The following DOK6 variants were observed in gnomAD, a reference collection of about 807,000 sequenced individuals.
DOK6 encodes docking protein 6.
In DOK6, 22 loss-of-function variants were observed where a neutral mutation model predicts 44.0. That is an observed-to-expected ratio of 0.50 (90% CI 0.36 to 0.71). DOK6 has a LOEUF of 0.71. Among genes scored for constraint, DOK6 ranks in the 30% least tolerant of loss-of-function variants. The pLI is 0.00. For missense variants in DOK6, 340 were observed against 416.4 expected (o/e 0.82, Z 1.60); for synonymous variants, 166 against 145.5 (o/e 1.14, Z -1.01).
chr18:69,587,827 G>T (rs796507177), intron 2 of DOK6, among the ~76,000 whole-genome samples: 1 of 151,176 alleles, frequency 6.6e-6, no homozygotes, highest in Non-Finnish European at 1.5e-5. Flanking sequence ...CTACTTCGGC[G>T]CCTATATTTC....
chr18:69,467,982 T>C (rs895436782), intron 1 of DOK6, among the ~76,000 whole-genome samples: 8 of 152,166 alleles, frequency 5.3e-5, no homozygotes, highest in Non-Finnish European at 1.2e-4. Context: ...CACTATGCCA[T>C]GCAATAGGCA....
intron 5 of DOK6, among the ~76,000 whole-genome samples, chr18:69,737,754 G>T (rs79634757): frequency 0.031 from 4,702 of 152,232 alleles, 133 homozygotes; most frequent in East Asian, 0.087. Flanking sequence ...CTTGCGCGGG[G>T]CAGAGTCAAA....
intron 3 of DOK6, among the ~76,000 whole-genome samples, chr18:69,676,013 G>T (rs1472791615): frequency 6.6e-6 from 1 of 152,100 alleles, no homozygotes; most frequent in African/African-American, 2.4e-5. Context: ...GGTTGGAAAG[G>T]ATTATTTTCT....
intron 1 of DOK6, among the ~76,000 whole-genome samples, chr18:69,505,626 T>G (rs931027838): frequency 6.6e-6 from 1 of 150,476 alleles, no homozygotes; most frequent in African/African-American, 2.4e-5. Flanking sequence ...GCCTCCTGAG[T>G]AGCTGGGACT....
chr18:69,722,742 A>T (rs941837940), intron 5 of DOK6, among the ~76,000 whole-genome samples: 1 of 152,174 alleles, frequency 6.6e-6, no homozygotes, highest in African/African-American at 2.4e-5. Flanking sequence ...CATATCTCTA[A>T]AGTTAAATTC....
intron 2 of DOK6, among the ~76,000 whole-genome samples, chr18:69,570,373 A>C (rs1011776356): frequency 6.6e-6 from 1 of 152,002 alleles, no homozygotes; most frequent in African/African-American, 2.4e-5. Context: ...ACTTAAAGAT[A>C]GAACAACAGC....
intron 1 of DOK6, among the ~76,000 whole-genome samples, chr18:69,509,663 A>AAAAAAAC (rs397977960): frequency 8.7e-6 from 1 of 115,592 alleles, no homozygotes; most frequent in African/African-American, 2.8e-5. Context: ...AAAAAAAAAA[A>AAAAAAAC]CACACAAGTC....
chr18:69,635,565 T>C (rs1984786356), intron 3 of DOK6, among the ~76,000 whole-genome samples: 1 of 152,220 alleles, frequency 6.6e-6, no homozygotes, highest in Non-Finnish European at 1.5e-5. Flanking sequence ...GGACAGATTT[T>C]AGGAGTTGGA....
intron 1 of DOK6, among the ~76,000 whole-genome samples, chr18:69,551,805 T>C (rs559886793): frequency 6.6e-6 from 1 of 152,314 alleles, no homozygotes; most frequent in South Asian, 2.1e-4. Flanking sequence ...AATATATGTG[T>C]ATTGTTTTTA....
At chr18:69,587,823 C>T (rs562227239) in intron 2 of DOK6, among the ~76,000 whole-genome samples, 17 of 150,884 alleles carry the variant, frequency 1.1e-4, no homozygotes, top group South Asian at 4.2e-4. Context: ...TTTTCTACTT[C>T]GGCGCCTATA....
chr18:69,545,144 A>G (rs1982371154), intron 1 of DOK6, among the ~76,000 whole-genome samples: 1 of 150,938 alleles, frequency 6.6e-6, no homozygotes, highest in African/African-American at 2.4e-5. Flanking sequence ...AACCCATGAT[A>G]TCAGAAAACA....
rs892130659 is a variant in DOK6 at position 69,735,842 on chromosome 18, C to T, written c.600-3123C>T. 5.3e-5 allele frequency among the ~76,000 whole-genome samples: 8 copies of T among 152,304 alleles called. No individual in the cohort carries two copies. In the East Asian group the frequency reaches 1.5e-3, roughly 29 times the overall value. On this transcript the variant is annotated intron_variant, in intron 5 of 7. Coordinates refer to ENST00000382713, the MANE Select transcript of DOK6 (RefSeq NM_152721.6). ...TCAAATCCCAGAAGCCAGCCATAGG[C>T]CTATCCTAAAAATAGGAATGGAGAA...
At chr18:69,618,244 T>C (rs1371961713) in intron 3 of DOK6, among the ~76,000 whole-genome samples, 1 of 152,182 alleles carries the variant, frequency 6.6e-6, no homozygotes, top group Admixed American at 6.5e-5. Flanking sequence ...TTTGTGATCA[T>C]TTTTACGTCA....
At chr18:69,794,459 C>T (rs1309643966) in intron 7 of DOK6, among the ~76,000 whole-genome samples, 2 of 151,988 alleles carry the variant, frequency 1.3e-5, no homozygotes, top group Admixed American at 6.6e-5. Flanking sequence ...GTTTCTGTTT[C>T]GTTAAATGAG....
intron 1 of DOK6, among the ~76,000 whole-genome samples, chr18:69,542,777 C>T (rs1446120073): frequency 6.6e-6 from 1 of 151,344 alleles, no homozygotes. Context: ...CATGGGCTTT[C>T]GAGCCTCTGA....
chr18:69,675,981 T>C (rs533922346), intron 3 of DOK6, among the ~76,000 whole-genome samples: 6 of 152,304 alleles, frequency 3.9e-5, no homozygotes, highest in Non-Finnish European at 8.8e-5. Flanking sequence ...AAATGGTGCA[T>C]TTATTATATT....
At chr18:69,554,042 A>G (rs1982629602) in intron 1 of DOK6, among the ~76,000 whole-genome samples, 2 of 152,196 alleles carry the variant, frequency 1.3e-5, no homozygotes, top group South Asian at 2.1e-4. Context: ...AGGGAGCAAT[A>G]ATAAGGAGAA....
intron 3 of DOK6, among the ~76,000 whole-genome samples, chr18:69,605,974 A>G (rs1983985089): frequency 6.6e-6 from 1 of 152,166 alleles, no homozygotes; most frequent in African/African-American, 2.4e-5. Context: ...ATGATTGTCT[A>G]TATTTAAAAA....
At chr18:69,552,714 C>T (rs1057180935) in intron 1 of DOK6, among the ~76,000 whole-genome samples, 10 of 152,168 alleles carry the variant, frequency 6.6e-5, no homozygotes, top group Admixed American at 3.9e-4. Context: ...GAGAGGTGAA[C>T]TCCATGAAGA....
Sources: gnomAD v4.1 joint callset for allele counts (sites outside exome capture counted in the v4.1 genomes callset) on GRCh38, gnomAD v4.1.1 for gene constraint, MANE v1.5 for transcripts, NCBI Gene and HGNC (gene_info 2026-07-23, HGNC 2026-07-21) for gene names.